BROX: variants seen among roughly 807,000 people sequenced by gnomAD.
BROX encodes BRO1 domain-containing protein BROX.
In BROX, 53 loss-of-function variants were observed where a neutral mutation model predicts 61.0. That is an observed-to-expected ratio of 0.87 (90% CI 0.70 to 1.09). The LOEUF (loss-of-function observed/expected upper bound fraction) is 1.09, where lower values mean the gene tolerates loss of function less well. Among genes scored for constraint, BROX ranks in the 50% least tolerant of loss-of-function variants. BROX has a pLI of 0.00. For synonymous variants in BROX, 152 were observed against 160.2 expected (o/e 0.95, Z 0.38); for missense variants, 489 against 472.0 (o/e 1.04, Z -0.33).
chr1:222,725,725 C>T (rs570710812), intron 7 of BROX, among the ~76,000 whole-genome samples, 170 bp downstream of exon 7: 2 of 151,798 alleles, frequency 1.3e-5, no homozygotes, highest in South Asian at 2.1e-4. Flanking sequence ...GCCTGGGCAA[C>T]GTGGCAAAAC....
In BROX at chr1:222,713,231, C is replaced by G. The variant is rs971822103; in HGVS notation, c.-17+289C>G. ...AAACTGGGGTTCGTTCGGCCGTTGTCTGGCCACCTCTCCCGGGTTGACAGT... is the reference window on the plus strand; with the variant it reads ...AAACTGGGGTTCGTTCGGCCGTTGTGTGGCCACCTCTCCCGGGTTGACAGT... On this transcript the variant is annotated intron_variant, in intron 1 of 12. Transcript: ENST00000340934. 36 of 986,260 alleles carry G rather than the reference C, an allele frequency of 3.7e-5. No homozygotes were observed. The African/African-American group carries it at 6.1e-4, about 17-fold the overall frequency. 61.1% of individuals were successfully genotyped at this position (986,260 alleles called of 1,614,324 possible).
At position 222,712,732 on chromosome 1, in the gene BROX, G is replaced by A. The variant is rs971385517; in HGVS notation, c.-227G>A. On this transcript the variant is annotated 5_prime_UTR_variant, in exon 1 of 13. Coordinates refer to ENST00000340934, the MANE Select transcript of BROX (RefSeq NM_144695.4). ...CGTTTTGAGGGGACTGCAACGCCGC[G>A]GCAATACCCGCCCCTGAGCTGCGCG... 7.7e-7 allele frequency: 1 copy of A among 1,290,490 alleles called. No homozygotes were observed. The highest frequency in any genetic ancestry group is 1.0e-6 in the Non-Finnish European group (1 of 989,634). The allele number at this position is 1,290,490 out of a possible 1,614,324, so 79.9% of individuals were successfully genotyped here.
chr1:222,719,070 T>G, intron 3 of BROX, 39 bp downstream of exon 3: 1 of 1,522,544 alleles, frequency 6.6e-7, no homozygotes, highest in Non-Finnish European at 9.0e-7. Context: ...TTTAAAAAAC[T>G]GTCTAAAAGT....
intron 8 of BROX, 39 bp downstream of exon 8, chr1:222,727,296 GA>G: frequency 7.0e-7 from 1 of 1,430,532 alleles, no homozygotes. Context: ...TTAGTCTTTA[GA>G]TTTTCAGATT....
intron 9 of BROX, 45 bp downstream of exon 9, chr1:222,728,873 C>A: frequency 2.1e-6 from 3 of 1,430,870 alleles, no homozygotes; most frequent in South Asian, 1.3e-5. Context: ...ATTGTTTCTC[C>A]AGCCCTTGGA....
intron 1 of BROX, 106 bp downstream of exon 1, chr1:222,713,048 T>C: frequency 9.3e-7 from 1 of 1,069,922 alleles, no homozygotes; most frequent in Non-Finnish European, 1.1e-6. Flanking sequence ...CATAGACCCC[T>C]GGACAGTGGA....
intron 4 of BROX, 112 bp downstream of exon 4, chr1:222,719,471 T>A: frequency 1.4e-6 from 1 of 703,516 alleles, no homozygotes; most frequent in South Asian, 2.0e-5. Context: ...CTGCTCAGCG[T>A]TTTCTCTTAC....
In BROX at chr1:222,727,166, A is replaced by G; in HGVS notation, c.581-2A>G. On this transcript the variant is annotated splice_acceptor_variant, in intron 7 of 12. Coordinates refer to ENST00000340934, the MANE Select transcript of BROX (RefSeq NM_144695.4). LOFTEE classifies it high-confidence loss of function. ...GATTCACTTTATTGTGTTTGGTTAC[A>G]GTAACAATTGCTCGAGCAATTGAAC... is the stretch of plus-strand genomic sequence containing the variant. 6.2e-7 allele frequency: 1 copy of G among 1,605,526 alleles called. No homozygotes were observed. Among genetic ancestry groups the G allele is most frequent in the Non-Finnish European group, 8.5e-7 (1 of 1,173,402 alleles).
At chr1:222,715,929 A>G (rs749733467) in intron 2 of BROX, 129 bp downstream of exon 2, 18 of 580,454 alleles carry the variant, frequency 3.1e-5, no homozygotes, top group Non-Finnish European at 5.4e-5. Flanking sequence ...GAGTTAAATC[A>G]TAGATTATTT....
At chr1:222,722,883 C>T (rs981232392) in intron 5 of BROX, among the ~76,000 whole-genome samples, 2 of 152,156 alleles carry the variant, frequency 1.3e-5, no homozygotes, top group Non-Finnish European at 2.9e-5. Context: ...TCTTATAAAT[C>T]AGCAAAGGAA....
intron 8 of BROX, 62 bp downstream of exon 8, chr1:222,727,319 G>A: frequency 8.1e-7 from 1 of 1,238,854 alleles, no homozygotes; most frequent in South Asian, 1.2e-5. Context: ...ATTTGATCTT[G>A]AATAGGGAAC....
intron 1 of BROX, chr1:222,713,525 T>TAGAGCCAACAAG: frequency 1.2e-6 from 1 of 845,224 alleles, no homozygotes; most frequent in Non-Finnish European, 1.4e-6. Flanking sequence ...AATGTTGTAT[T>TAGAGCCAACAAG]GGTGGCTCTA....
At chr1:222,716,672 C>T (rs751133906) in intron 2 of BROX, among the ~76,000 whole-genome samples, 9 of 152,206 alleles carry the variant, frequency 5.9e-5, no homozygotes, top group Non-Finnish European at 1.0e-4. Context: ...CTGCTTTCCT[C>T]TACAACACCA....
At chr1:222,724,683 T>G (rs1169377905) in intron 6 of BROX, among the ~76,000 whole-genome samples, 1 of 152,228 alleles carries the variant, frequency 6.6e-6, no homozygotes, top group Non-Finnish European at 1.5e-5. Context: ...TCTAATTAAA[T>G]CACTTTATTG....
chr1:222,713,372 T>A, intron 1 of BROX: 2 of 983,360 alleles, frequency 2.0e-6, no homozygotes, highest in Non-Finnish European at 2.4e-6. Flanking sequence ...AGAGGCTGGG[T>A]GGTAAACAGG....
intron 1 of BROX, chr1:222,713,427 C>G (rs1016127117): frequency 3.0e-6 from 3 of 985,190 alleles, no homozygotes; most frequent in African/African-American, 1.7e-5. Flanking sequence ...GTAGGTTCCT[C>G]TGGGGACTCG....
rs1393859021 is a variant in BROX, at chr1:222,722,466, T to G, written c.353T>G (p.Val118Gly). 1.2e-6 allele frequency: 2 copies of G among 1,613,740 alleles called. No individual in the cohort carries two copies. The highest frequency in any genetic ancestry group is 2.2e-5 in the South Asian group (2 of 91,066). ...VFELISMGFNVALWYTKYASR... is the reference protein window; with the variant it reads ...VFELISMGFNGALWYTKYASR... ...GAATTAATTTCCATGGGATTTAATG[T>G]AGCTTTATGGTATACCAAATATGCT... is the stretch of plus-strand genomic sequence containing the variant. The change falls in exon 5 of 13, where the codon GTA becomes GGA. Residue 118 changes from valine (V) to glycine (G), a missense_variant. Val to Gly is a moderately radical substitution (Grantham distance 109). Transcript: ENST00000340934.
chr1:222,719,230 T>C (rs1656875602), intron 3 of BROX, 33 bp from the exon 4 acceptor site: 1 of 1,487,348 alleles, frequency 6.7e-7, no homozygotes, highest in African/African-American at 1.4e-5. Context: ...TTCTAATTCT[T>C]CTAAAACTAA....
At chr1:222,714,812 T>G (rs866129629) in intron 1 of BROX, among the ~76,000 whole-genome samples, 3 of 151,084 alleles carry the variant, frequency 2.0e-5, no homozygotes, top group Middle Eastern at 3.6e-3. Context: ...ATTCCTGAGC[T>G]CAAGCGATCC....
Sources: gnomAD v4.1 joint callset for allele counts (sites outside exome capture counted in the v4.1 genomes callset) on GRCh38, gnomAD v4.1.1 for gene constraint, MANE v1.5 for transcripts, NCBI Gene and HGNC (gene_info 2026-07-23, HGNC 2026-07-21) for gene names.